Variants in SPECC1 observed in about 807,000 individuals in gnomAD.
SPECC1 encodes the protein cytospin-B.
SPECC1 carries 62 observed loss-of-function variants against 104.1 expected under a neutral mutation model. That is an observed-to-expected ratio of 0.60 (90% CI 0.49 to 0.74). SPECC1 has a LOEUF of 0.74. Ranked by LOEUF, SPECC1 falls within the 30% of genes least tolerant of loss-of-function variation. SPECC1 has a pLI of 0.00. For missense variants in SPECC1, 1,306 were observed against 1,310.5 expected (o/e 1.00, Z 0.05); for synonymous variants, 513 against 501.6 (o/e 1.02, Z -0.30).
intron 12 of SPECC1, among the ~76,000 whole-genome samples, chr17:20,265,756 A>C (rs1364671341): frequency 6.6e-6 from 1 of 152,180 alleles, no homozygotes; most frequent in Non-Finnish European, 1.5e-5. Flanking sequence ...ATCCATTTTA[A>C]GTTAATTTTT....
At chr17:20,044,041 C>T (rs1163727930) in intron 1 of SPECC1, among the ~76,000 whole-genome samples, 1 of 152,038 alleles carries the variant, frequency 6.6e-6, no homozygotes, top group African/African-American at 2.4e-5. Flanking sequence ...ACTATTTGGA[C>T]TTAAATTGTG....
intron 7 of SPECC1, chr17:20,237,105 C>G (rs1341808146): frequency 1.6e-5 from 22 of 1,396,448 alleles, no homozygotes; most frequent in Non-Finnish European, 1.9e-5. Context: ...ATGATGTTTC[C>G]CTCTTTTTAC....
chr17:20,050,774 C>A (rs2045709375), intron 1 of SPECC1, among the ~76,000 whole-genome samples: 1 of 152,104 alleles, frequency 6.6e-6, no homozygotes, highest in South Asian at 2.1e-4. Context: ...CATGAACTGG[C>A]CCAACTTAGG....
chr17:20,024,594 T>C (rs1171213402), intron 1 of SPECC1, among the ~76,000 whole-genome samples: 1 of 152,236 alleles, frequency 6.6e-6, no homozygotes, highest in African/African-American at 2.4e-5. Context: ...CATTTTGCAG[T>C]GTTCCTTGTC....
chr17:20,065,168 G>A (rs1260354568), intron 1 of SPECC1, among the ~76,000 whole-genome samples: 2 of 152,238 alleles, frequency 1.3e-5, no homozygotes, highest in Admixed American at 6.5e-5. Context: ...TCATCAACAC[G>A]GAAAAAGACT....
At chr17:20,179,801 G>C (rs909455827) in intron 3 of SPECC1, among the ~76,000 whole-genome samples, 1 of 152,216 alleles carries the variant, frequency 6.6e-6, no homozygotes, top group Non-Finnish European at 1.5e-5. Context: ...AGCAGTGAAT[G>C]TTGCAGCAGG....
In SPECC1 at chr17:20,154,790, G is replaced by C. The variant is rs145263872; in HGVS notation, c.283+44228G>C. ...TCCTGGCAGGAGATGACAGCGGCTTGGATCGGGGGTAGCAGTGGAGGAGGT... is the reference window on the plus strand; with the variant it reads ...TCCTGGCAGGAGATGACAGCGGCTTCGATCGGGGGTAGCAGTGGAGGAGGT... On this transcript the variant is annotated intron_variant, in intron 3 of 14. Coordinates refer to ENST00000395527, the MANE Select transcript of SPECC1 (RefSeq NM_001243439.2). Among the ~76,000 whole-genome samples the C allele has an allele frequency of 1.8e-3, 276 of 152,294 alleles. 2 individuals are homozygous for C. The highest frequency in any genetic ancestry group is 6.4e-3 in the African/African-American group (266 of 41,554).
intron 3 of SPECC1, among the ~76,000 whole-genome samples, chr17:20,135,925 C>T (rs2029906514): frequency 6.6e-6 from 1 of 152,172 alleles, no homozygotes; most frequent in Non-Finnish European, 1.5e-5. Flanking sequence ...CACATCCTGG[C>T]TGTGTGACCT....
intron 3 of SPECC1, among the ~76,000 whole-genome samples, chr17:20,163,619 G>A (rs1274313244): frequency 3.3e-5 from 5 of 150,174 alleles, no homozygotes; most frequent in Admixed American, 1.3e-4. Flanking sequence ...GGAGTGCAGT[G>A]GCAGGGTCAG....
At chr17:20,186,376 G>A (rs1046730045) in intron 3 of SPECC1, among the ~76,000 whole-genome samples, 1 of 152,066 alleles carries the variant, frequency 6.6e-6, no homozygotes, top group Non-Finnish European at 1.5e-5. Flanking sequence ...AAATGCTAAC[G>A]AAGTAAGCCC....
chr17:20,163,145 C>T (rs2033326577), intron 3 of SPECC1, among the ~76,000 whole-genome samples: 1 of 152,168 alleles, frequency 6.6e-6, no homozygotes, highest in Non-Finnish European at 1.5e-5. Flanking sequence ...TTAAGCTCCC[C>T]ATTAAAGAGC....
Position 20,204,455 on chromosome 17 carries a change from A to G in SPECC1, c.406A>G (p.Thr136Ala), listed in dbSNP as rs764656344. The G allele has an allele frequency of 1.8e-5, 29 of 1,613,930 alleles. No individual in the cohort carries two copies. The highest frequency in any genetic ancestry group is 1.7e-4 in the Admixed American group (10 of 59,980). The stretch of plus-strand genomic sequence containing the variant: ...CCCCAGGAAATCAGTGTCCAGTCCA[A>G]CTTCTTCCAACACTCCCACTCCTAC... ...SNPRKSVSSP[T>A]SSNTPTPTKH... is the part of the protein sequence containing the mutation. The change falls in exon 4 of 15, where the codon ACT (threonine) becomes GCT (alanine). Residue 136 changes from threonine (T) to alanine (A), a missense_variant. Transcript: ENST00000395527.
At chr17:20,143,057 AAAAAAT>A (rs2031018542) in intron 3 of SPECC1, among the ~76,000 whole-genome samples, 1 of 152,008 alleles carries the variant, frequency 6.6e-6, no homozygotes, top group Non-Finnish European at 1.5e-5. Context: ...TACCACAATT[AAAAAAT>A]AAAAATAATA....
At chr17:20,238,227 A>G in intron 7 of SPECC1, 1 of 1,040,160 alleles carries the variant, frequency 9.6e-7, no homozygotes, top group Non-Finnish European at 1.2e-6. Context: ...GGCAATAGAA[A>G]TCTAATGGAA....
chr17:20,112,219 G>A (rs1267000556), intron 3 of SPECC1: 1 of 763,968 alleles, frequency 1.3e-6, no homozygotes, highest in Non-Finnish European at 2.4e-6. Flanking sequence ...CAAGATCACA[G>A]AGGAGCTTTC....
At chr17:20,068,599 G>A (rs1197124692) in intron 1 of SPECC1, among the ~76,000 whole-genome samples, 2 of 152,148 alleles carry the variant, frequency 1.3e-5, no homozygotes, top group Non-Finnish European at 2.9e-5. Context: ...TCACATTTAC[G>A]TAGGCAATGT....
intron 1 of SPECC1, among the ~76,000 whole-genome samples, chr17:20,049,759 C>G (rs1343621088): frequency 6.6e-6 from 1 of 151,996 alleles, no homozygotes; most frequent in Non-Finnish European, 1.5e-5. Flanking sequence ...TCCGAGGATT[C>G]TACGGTGTTT....
In SPECC1 at chr17:20,212,372, A is replaced by T. The variant is rs552299214; in HGVS notation, c.1863+6460A>T. The stretch of plus-strand genomic sequence containing the variant: ...GTTTTCATGCTGCTGATAAAGACAT[A>T]CCTGAGACTGGAAAGAAAAAAAGGA... On this transcript the variant is annotated intron_variant, in intron 4 of 14. Coordinates refer to ENST00000395527, the MANE Select transcript of SPECC1 (RefSeq NM_001243439.2). 3.3e-5 allele frequency among the ~76,000 whole-genome samples: 5 copies of T among 152,310 alleles called. No individual in the cohort carries two copies. The East Asian group carries it at 9.6e-4, about 29-fold the overall frequency.
rs1209589252 is a variant in SPECC1 at position 20,194,502 on chromosome 17, A to ATTTTTTTT, written c.284-9815_284-9808dup. Among the ~76,000 whole-genome samples, 138 of 86,536 alleles carry ATTTTTTTT rather than the reference A, an allele frequency of 1.6e-3. 13 individuals carry two copies. Among genetic ancestry groups the ATTTTTTTT allele is most frequent in the African/African-American group, 7.0e-3 (132 of 18,738 alleles). The allele number at this position is 86,536 out of a possible 152,430, so 56.8% of individuals were successfully genotyped here. A position where few individuals can be genotyped will look rare whatever the true frequency, so the allele number is the denominator to read the frequency against. On this transcript the variant is annotated intron_variant, in intron 3 of 14. Transcript: ENST00000395527. ...TGTGTTCTGTTAGAAAAGAGAACGA[A>ATTTTTTTT]TTTTTTTTTTTTTTTTTTTTTTTGA...
Sources: allele counts gnomAD v4.1 joint callset (sites outside exome capture counted in the v4.1 genomes callset), GRCh38; gene constraint gnomAD v4.1.1; transcripts MANE v1.5; gene names NCBI Gene and HGNC (gene_info 2026-07-23, HGNC 2026-07-21).